The following GALNT18 variants were observed in gnomAD, a reference collection of about 807,000 sequenced individuals.
GALNT18 encodes polypeptide N-acetylgalactosaminyltransferase 18, also known as GalNAc-transferase 18.
GALNT18 carries 44 observed loss-of-function variants against 69.5 expected under a neutral mutation model. The observed-to-expected ratio is 0.63, with a 90% CI of 0.50 to 0.81. The LOEUF (loss-of-function observed/expected upper bound fraction) is 0.81. GALNT18 is among the 40% of genes least tolerant of loss of function. GALNT18 has a pLI of 0.00. For missense variants in GALNT18, 715 were observed against 810.0 expected, an observed-to-expected ratio of 0.88 and a Z score of 1.42; for synonymous variants, 364 against 318.2, an observed-to-expected ratio of 1.14 and a Z score of -1.53.
chr11:11,323,067 A>G (rs1021643639), intron 9 of GALNT18, among the ~76,000 whole-genome samples: 6 of 152,188 alleles, frequency 3.9e-5, no homozygotes, highest in African/African-American at 1.4e-4. Context: ...GGGTTTCAAC[A>G]TATGATTTTC....
intron 1 of GALNT18, among the ~76,000 whole-genome samples, chr11:11,485,356 C>G (rs1245998187): frequency 2.0e-5 from 3 of 152,186 alleles, no homozygotes; most frequent in Non-Finnish European, 4.4e-5. Context: ...TGACCCCCTC[C>G]TCGGTGTGAT....
intron 1 of GALNT18, among the ~76,000 whole-genome samples, chr11:11,510,105 C>G (rs1260833227): frequency 6.6e-6 from 1 of 152,178 alleles, no homozygotes; most frequent in East Asian, 1.9e-4. Context: ...AAACTCAACA[C>G]AAGGGAAGAC....
chr11:11,481,762 G>A (rs1011658233), intron 1 of GALNT18, among the ~76,000 whole-genome samples: 1 of 152,138 alleles, frequency 6.6e-6, no homozygotes, highest in Non-Finnish European at 1.5e-5. Context: ...CAGATAGCAC[G>A]ACAGCACCTG....
chr11:11,495,779 G>C (rs1856856637), intron 1 of GALNT18, among the ~76,000 whole-genome samples: 1 of 152,200 alleles, frequency 6.6e-6, no homozygotes, highest in South Asian at 2.1e-4. Context: ...AGAAGCGGTA[G>C]CAGAGGCTCT....
At chr11:11,453,972 T>C (rs917977011) in intron 1 of GALNT18, among the ~76,000 whole-genome samples, 2 of 152,260 alleles carry the variant, frequency 1.3e-5, no homozygotes, top group African/African-American at 4.8e-5. Flanking sequence ...GTCAGGCATT[T>C]GCTTTGTTCT....
At position 11,327,288 on chromosome 11, in the gene GALNT18, T is replaced by G. The variant is rs1590039602; in HGVS notation, c.1417-107A>C. The G allele has an allele frequency of 7.2e-6, 6 of 838,680 alleles. No individual in the cohort carries two copies. In the South Asian group the frequency reaches 7.7e-5, roughly 11 times the overall value. 52.0% of individuals were successfully genotyped at this position (838,680 alleles called of 1,614,324 possible). A position where few individuals can be genotyped will look rare whatever the true frequency, so the allele number is the denominator to read the frequency against. On this transcript the variant is annotated intron_variant, in intron 8 of 10. Transcript: ENST00000227756. ...TCTGCTGAGACAGATTTCATGTCCA[T>G]AATCAGCCCAAGGCCCTTGAACACT...
chr11:11,385,388 C>T (rs559310223), intron 3 of GALNT18, among the ~76,000 whole-genome samples: 39 of 152,012 alleles, frequency 2.6e-4, no homozygotes, highest in South Asian at 1.5e-3. Flanking sequence ...CTCCGCCTCC[C>T]GGGTTCATGC....
intron 10 of GALNT18, among the ~76,000 whole-genome samples, chr11:11,281,757 C>T (rs933157132): frequency 2.0e-5 from 3 of 152,062 alleles, no homozygotes; most frequent in African/African-American, 7.3e-5. Context: ...GTGCGGTGAC[C>T]CTGGGCATTG....
chr11:11,371,512 G>C (rs1850903530), intron 6 of GALNT18, among the ~76,000 whole-genome samples: 1 of 152,168 alleles, frequency 6.6e-6, no homozygotes, highest in Admixed American at 6.5e-5. Flanking sequence ...CAGTGAGGTG[G>C]AGCATCTCAG....
At position 11,270,947 on chromosome 11, in the gene GALNT18, G is replaced by A. The variant is rs769869500; in HGVS notation, c.*197C>T. 31 of 479,076 alleles carry A rather than the reference G, an allele frequency of 6.5e-5. No homozygotes were observed. The highest frequency in any genetic ancestry group is 1.1e-4 in the Non-Finnish European group (30 of 268,968). The allele number at this position is 479,076 out of a possible 1,614,324, so 29.7% of individuals were successfully genotyped here. ...GTCCCCTATTTACAACTGCAAAATAGTTTGATATCATACCATCACCTACCA... is the reference window on the plus strand; with the variant it reads ...GTCCCCTATTTACAACTGCAAAATAATTTGATATCATACCATCACCTACCA... On this transcript the variant is annotated 3_prime_UTR_variant, in exon 11 of 11. Coordinates refer to ENST00000227756, the MANE Select transcript of GALNT18 (RefSeq NM_198516.3).
intron 1 of GALNT18, among the ~76,000 whole-genome samples, chr11:11,579,556 C>T (rs1477167963): frequency 2.0e-5 from 3 of 152,200 alleles, no homozygotes; most frequent in East Asian, 1.9e-4. Flanking sequence ...TCTGGAACCC[C>T]GCCAGGGTAC....
At chr11:11,385,197 C>T (rs1423485957) in intron 3 of GALNT18, among the ~76,000 whole-genome samples, 1 of 152,008 alleles carries the variant, frequency 6.6e-6, no homozygotes, top group Non-Finnish European at 1.5e-5. Flanking sequence ...CTCACTCATT[C>T]TCCCCACCAC....
At chr11:11,285,268 C>T (rs1266109352) in intron 10 of GALNT18, among the ~76,000 whole-genome samples, 2 of 152,168 alleles carry the variant, frequency 1.3e-5, no homozygotes, top group African/African-American at 2.4e-5. Context: ...ATTCCCAGAT[C>T]TGATTTTTGA....
Position 11,606,209 on chromosome 11 carries a change from T to C in GALNT18, c.235+15150A>G, listed in dbSNP as rs1355259425. 6.6e-6 allele frequency among the ~76,000 whole-genome samples: 1 copy of C among 152,208 alleles called. No homozygotes were observed. Among genetic ancestry groups the C allele is most frequent in the Admixed American group, 6.5e-5 (1 of 15,290 alleles). Reference sequence around the variant, plus strand: ...CTGGTTTATTTATTCATGTGTTTACTCAGCAAACTCCTACCTAGCCCCTAC... The same window carrying C: ...CTGGTTTATTTATTCATGTGTTTACCCAGCAAACTCCTACCTAGCCCCTAC... On this transcript the variant is annotated intron_variant, in intron 1 of 10. Coordinates refer to ENST00000227756, the MANE Select transcript of GALNT18 (RefSeq NM_198516.3). The surrounding 1 kb of genome is among the most constrained non-coding windows in gnomAD (Gnocchi z 5.4).
At chr11:11,272,178 CCTGTATTT>C (rs551883742) in intron 10 of GALNT18, among the ~76,000 whole-genome samples, 9 of 152,276 alleles carry the variant, frequency 5.9e-5, no homozygotes, top group Non-Finnish European at 1.3e-4. Flanking sequence ...AGAACCTACT[CCTGTATTT>C]CTGTCTCAGG....
chr11:11,603,466 T>C lies in GALNT18; in HGVS notation c.235+17893A>G, dbSNP rs1859679396. ...CCCATATTTTCCTAAAATCAAACTTTGAAGTCTGCAAGGAAATCCAGTTTT... is the reference window on the plus strand; with the variant it reads ...CCCATATTTTCCTAAAATCAAACTTCGAAGTCTGCAAGGAAATCCAGTTTT... On this transcript the variant is annotated intron_variant, in intron 1 of 10. Transcript: ENST00000227756. This position sits in a 1 kb window ranked among gnomAD's most constrained non-coding sequence, Gnocchi z 4.5. 6.6e-6 allele frequency among the ~76,000 whole-genome samples: 1 copy of C among 152,172 alleles called. No homozygotes were observed. Among genetic ancestry groups the C allele is most frequent in the Non-Finnish European group, 1.5e-5 (1 of 68,042 alleles).
At chr11:11,558,702 CCA>C (rs1406878111) in intron 1 of GALNT18, among the ~76,000 whole-genome samples, 1 of 152,252 alleles carries the variant, frequency 6.6e-6, no homozygotes, top group East Asian at 1.9e-4. Flanking sequence ...TGCTGGATTT[CCA>C]CAGCTTCCCT....
chr11:11,409,578 C>A (rs1427030063), intron 3 of GALNT18, among the ~76,000 whole-genome samples: 1 of 152,112 alleles, frequency 6.6e-6, no homozygotes. Flanking sequence ...CCAGATAACT[C>A]CCCGTATCCT....
intron 1 of GALNT18, chr11:11,476,285 C>G (rs1308652906): frequency 6.6e-6 from 1 of 152,142 alleles, no homozygotes; most frequent in Non-Finnish European, 1.5e-5. Context: ...GACCCCTCGT[C>G]ATCATGTCTC....
Sources: allele counts gnomAD v4.1 joint callset (sites outside exome capture counted in the v4.1 genomes callset), GRCh38; gene constraint gnomAD v4.1.1; non-coding constraint Gnocchi (gnomAD v3.1); transcripts MANE v1.5; gene names NCBI Gene and HGNC (gene_info 2026-07-23, HGNC 2026-07-21).